Variants in ROR1 observed in about 807,000 individuals in gnomAD.
The protein encoded by ROR1 is inactive tyrosine-protein kinase transmembrane receptor ROR1.
In ROR1, 19 loss-of-function variants were observed where a neutral mutation model predicts 78.8. That is an observed-to-expected ratio of 0.24 (90% confidence interval 0.17 to 0.35). The LOEUF (loss-of-function observed/expected upper bound fraction) is 0.35, where lower values mean the gene tolerates loss of function less well. ROR1 is among the 10% of genes least tolerant of loss of function. The pLI, the probability that ROR1 is intolerant of heterozygous loss-of-function variation, is 1.00. For synonymous variants in ROR1, 386 were observed against 433.6 expected (o/e 0.89, Z 1.36); for missense variants, 917 against 1,177.8 (o/e 0.78, Z 3.24).
chr1:63,865,982 T>TA (rs1274634665), intron 1 of ROR1, among the ~76,000 whole-genome samples: 1 of 152,172 alleles, frequency 6.6e-6, no homozygotes. Flanking sequence ...GAAGCTGTTT[T>TA]AAAGAGTAGC....
intron 2 of ROR1, among the ~76,000 whole-genome samples, chr1:64,044,933 G>A (rs142804909): frequency 0.012 from 1,800 of 152,284 alleles, 23 homozygotes; most frequent in South Asian, 0.052. Context: ...TATTAGATAA[G>A]TAAGGGTGTC....
chr1:64,004,104 A>G (rs1051768983), intron 1 of ROR1, among the ~76,000 whole-genome samples: 8 of 152,192 alleles, frequency 5.3e-5, no homozygotes, highest in Non-Finnish European at 1.0e-4. Flanking sequence ...AGAAGTCAGC[A>G]TGTATTTCCT....
intron 1 of ROR1, among the ~76,000 whole-genome samples, chr1:63,827,499 G>A (rs1423799435): frequency 6.6e-6 from 1 of 152,136 alleles, no homozygotes; most frequent in Non-Finnish European, 1.5e-5. Flanking sequence ...AGGGGACTCA[G>A]GGGAGATGGC....
chr1:63,846,833 GCTCA>G (rs1253106846), intron 1 of ROR1, among the ~76,000 whole-genome samples: 2 of 152,188 alleles, frequency 1.3e-5, no homozygotes, highest in African/African-American at 2.4e-5. Flanking sequence ...GCCTCTAGAA[GCTCA>G]CTAACACTCC....
At chr1:63,908,998 C>T (rs948672821) in intron 1 of ROR1, among the ~76,000 whole-genome samples, 2 of 152,146 alleles carry the variant, frequency 1.3e-5, no homozygotes, top group Admixed American at 6.5e-5. Flanking sequence ...GAGATAGAAG[C>T]GCAGGAGACT....
chr1:63,969,711 C>T (rs375298647), intron 1 of ROR1, among the ~76,000 whole-genome samples: 2 of 152,076 alleles, frequency 1.3e-5, no homozygotes, highest in African/African-American at 4.8e-5. Context: ...GTGGATTCCC[C>T]CTCCCGTGTT....
At chr1:64,103,563 G>C (rs1230264277) in intron 4 of ROR1, among the ~76,000 whole-genome samples, 1 of 152,062 alleles carries the variant, frequency 6.6e-6, no homozygotes, top group Non-Finnish European at 1.5e-5. Context: ...GCCTGAAATG[G>C]TTGGTGATTT....
chr1:63,854,555 T>C (rs1461929120), intron 1 of ROR1, among the ~76,000 whole-genome samples: 1 of 152,246 alleles, frequency 6.6e-6, no homozygotes, highest in Non-Finnish European at 1.5e-5. Flanking sequence ...ACTGCCTCCT[T>C]CCTACAACAA....
At chr1:64,106,946 TG>T in intron 4 of ROR1, 1 of 152,604 alleles carries the variant, frequency 6.6e-6, no homozygotes, top group Middle Eastern at 3.4e-3. Context: ...TAGAAGACCT[TG>T]CCAGTTCCTC....
intron 1 of ROR1, among the ~76,000 whole-genome samples, chr1:63,923,101 C>A (rs1464234742): frequency 6.6e-6 from 1 of 152,190 alleles, no homozygotes; most frequent in Non-Finnish European, 1.5e-5. Context: ...TGAAATAACC[C>A]TGGGCGACTG....
chr1:63,845,901 G>A (rs961016421), intron 1 of ROR1, among the ~76,000 whole-genome samples: 4 of 152,238 alleles, frequency 2.6e-5, no homozygotes, highest in South Asian at 2.1e-4. Flanking sequence ...AGATCATGAA[G>A]CTTAGATGGA....
rs1287267367 is a variant in ROR1 at position 63,961,123 on chromosome 1, C to T, written c.92-48182C>T. ...TCATCCTTTCCTCCTTTTTGACATT[C>T]CCTCTTTTTTTTTAAACTCCCCTTA... On this transcript the variant is annotated intron_variant, in intron 1 of 8. Transcript: ENST00000371079. 2.6e-5 allele frequency among the ~76,000 whole-genome samples: 4 copies of T among 151,450 alleles called. No homozygotes were observed. In the East Asian group the frequency reaches 7.7e-4, roughly 29 times the overall value.
intron 8 of ROR1, among the ~76,000 whole-genome samples, chr1:64,167,402 A>T (rs1236630233): frequency 6.6e-6 from 1 of 152,226 alleles, no homozygotes; most frequent in Non-Finnish European, 1.5e-5. Context: ...TTCCAGAGAA[A>T]TGCAGCTGAA....
Position 63,990,427 on chromosome 1 carries a change from A to G in ROR1, c.92-18878A>G, listed in dbSNP as rs550398013. 6.4e-4 allele frequency among the ~76,000 whole-genome samples: 98 copies of G among 152,254 alleles called. 1 individual carries two copies. The highest frequency in any genetic ancestry group is 1.2e-3 in the Non-Finnish European group (80 of 68,024). ...ATCAGTTTCTAAATTTGCCCTTAGGAGGGTGAATAGAGTGCCTTAGAAATA... is the reference window on the plus strand; with the variant it reads ...ATCAGTTTCTAAATTTGCCCTTAGGGGGGTGAATAGAGTGCCTTAGAAATA... On this transcript the variant is annotated intron_variant, in intron 1 of 8. Coordinates refer to ENST00000371079, the MANE Select transcript of ROR1 (RefSeq NM_005012.4).
intron 4 of ROR1, among the ~76,000 whole-genome samples, chr1:64,103,485 G>C (rs552779364): frequency 6.6e-6 from 1 of 152,156 alleles, no homozygotes; most frequent in African/African-American, 2.4e-5. Context: ...AGAAATAGTT[G>C]CTTTGTTTCT....
intron 4 of ROR1, among the ~76,000 whole-genome samples, chr1:64,124,216 A>G (rs2762839): frequency 0.67 from 101,334 of 152,006 alleles, 34,495 homozygotes; most frequent in East Asian, 0.97. Context: ...CTTCAAAATT[A>G]CCACAACAAG....
At chr1:63,960,288 C>G (rs985945610) in intron 1 of ROR1, among the ~76,000 whole-genome samples, 4 of 152,138 alleles carry the variant, frequency 2.6e-5, no homozygotes, top group African/African-American at 9.7e-5. Context: ...GAGACCTTCC[C>G]ACAGCCGTGT....
intron 1 of ROR1, among the ~76,000 whole-genome samples, chr1:63,929,880 T>C (rs1645736811): frequency 6.6e-6 from 1 of 152,136 alleles, no homozygotes; most frequent in South Asian, 2.1e-4. Context: ...AGAATTCAGA[T>C]CCAGCAATCT....
chr1:64,006,762 C>T (rs1043485541), intron 1 of ROR1, among the ~76,000 whole-genome samples: 3 of 152,294 alleles, frequency 2.0e-5, no homozygotes, highest in Non-Finnish European at 2.9e-5. Flanking sequence ...TGTGGTTCAT[C>T]TACTTCTTTC....
Sources: allele counts gnomAD v4.1 joint callset (sites outside exome capture counted in the v4.1 genomes callset), GRCh38; gene constraint gnomAD v4.1.1; transcripts MANE v1.5; gene names NCBI Gene and HGNC (gene_info 2026-07-23, HGNC 2026-07-21).